PIK3R6: variants seen among roughly 807,000 people sequenced by gnomAD.
PIK3R6 encodes phosphoinositide 3-kinase regulatory subunit 6.
A neutral mutation model predicts 84.9 loss-of-function variants in PIK3R6; 91 were observed. That is an observed-to-expected ratio of 1.07 (90% confidence interval 0.90 to 1.28). PIK3R6 has a LOEUF of 1.28. PIK3R6 is among the 50% of genes most tolerant of loss of function. PIK3R6 has a pLI of 0.00. For synonymous variants in PIK3R6, 416 were observed against 411.4 expected (o/e 1.01, Z -0.13); for missense variants, 996 against 985.1 (o/e 1.01, Z -0.15).
rs964130448 is a variant in PIK3R6 at position 8,822,623 on chromosome 17, C to G, written c.1752G>C (p.Glu584Asp). The change falls in exon 16 of 20, where the codon GAG (glutamate) becomes GAC (aspartate). Residue 584 changes from glutamate to aspartate, a missense_variant. Physicochemically the swap from Glu to Asp is conservative, Grantham distance 45. Transcript: ENST00000619866. ...ATAGGGAGAGCTCTGCCCCTGGGCC[C>G]TCAGCCACGCCTCTCCTCCTGGGTG... Reference protein sequence around the residue: ...GFSPRRRGVAEGPGAELSLCY... With the variant: ...GFSPRRRGVADGPGAELSLCY... The G allele has an allele frequency of 2.5e-6, 4 of 1,613,898 alleles. No homozygotes were observed. The highest frequency in any genetic ancestry group is 3.4e-6 in the Non-Finnish European group (4 of 1,179,896).
chr17:8,827,763 GGAGAGAGA>G (rs199969342), intron 12 of PIK3R6, among the ~76,000 whole-genome samples: 702 of 34,820 alleles, frequency 0.02, 9 homozygotes, highest in East Asian at 0.059. Flanking sequence ...GAGAGAGAGA[GGAGAGAGA>G]GAGAGAGAGA....
chr17:8,849,427 C>A (rs2088889848), intron 2 of PIK3R6, among the ~76,000 whole-genome samples: 1 of 152,176 alleles, frequency 6.6e-6, no homozygotes, highest in Admixed American at 6.5e-5. Context: ...GGAGGTTAAC[C>A]AAGACTAAAT....
chr17:8,803,540 A>C lies in PIK3R6; in HGVS notation c.2109-111T>G, dbSNP rs2087106085. ...GGGCCTAGAGCTGTTATTGTAGGGC[A>C]TAGAGGAGGCGGCTACACAGAAGAA... is the stretch of plus-strand genomic sequence containing the variant. On this transcript the variant is annotated intron_variant, in intron 19 of 19. Transcript: ENST00000619866. This position sits in a 1 kb window ranked among gnomAD's most constrained non-coding sequence, Gnocchi z 5.0. 9.0e-7 allele frequency: 1 copy of C among 1,110,272 alleles called. No individual in the cohort carries two copies. The highest frequency in any genetic ancestry group is 1.6e-5 in the South Asian group (1 of 61,300). The allele number at this position is 1,110,272 out of a possible 1,614,324, so 68.8% of individuals were successfully genotyped here.
chr17:8,865,126 T>C (rs1180306540), intron 1 of PIK3R6, among the ~76,000 whole-genome samples: 6 of 152,112 alleles, frequency 3.9e-5, no homozygotes, highest in Non-Finnish European at 7.4e-5. Flanking sequence ...GGTGACCTCC[T>C]GGATAGAGGA....
Position 8,836,533 on chromosome 17 carries a change from C to T in PIK3R6, c.461+14G>A, listed in dbSNP as rs1468935237. The stretch of plus-strand genomic sequence containing the variant: ...TAGGAGGCTGAAGGTAGCAATTTTT[C>T]TGGGGCCACTCACCTCTCCTGGTAG... On this transcript the variant is annotated intron_variant, in intron 7 of 19. Coordinates refer to ENST00000619866, the MANE Select transcript of PIK3R6 (RefSeq NM_001010855.4). 6.2e-7 allele frequency: 1 copy of T among 1,613,890 alleles called. No homozygotes were observed. The highest frequency in any genetic ancestry group is 1.7e-5 in the Admixed American group (1 of 60,022).
chr17:8,861,729 AG>A (rs2089291885), intron 1 of PIK3R6, among the ~76,000 whole-genome samples: 1 of 152,184 alleles, frequency 6.6e-6, no homozygotes, highest in African/African-American at 2.4e-5. Context: ...AAGTTGCAAG[AG>A]AAGTGATGCT....
At chr17:8,812,325 T>C (rs143618263) in intron 18 of PIK3R6, among the ~76,000 whole-genome samples, 295 of 152,352 alleles carry the variant, frequency 1.9e-3, no homozygotes, top group African/African-American at 6.8e-3. Flanking sequence ...TAGTACTCCA[T>C]TGATGCACTA....
intron 18 of PIK3R6, among the ~76,000 whole-genome samples, chr17:8,805,086 G>A (rs2087163489): frequency 6.6e-6 from 1 of 152,144 alleles, no homozygotes; most frequent in Admixed American, 6.5e-5. Flanking sequence ...TGAACTTTTA[G>A]GGGATGGGGG....
intron 7 of PIK3R6, among the ~76,000 whole-genome samples, chr17:8,835,668 G>A (rs2088431661): frequency 1.3e-5 from 2 of 152,148 alleles, no homozygotes; most frequent in South Asian, 4.1e-4. Flanking sequence ...TTCTAGAGGG[G>A]CAGCTCTAAT....
At chr17:8,821,796 C>T (rs1401960344) in intron 17 of PIK3R6, 50 bp downstream of exon 17, 2 of 1,520,544 alleles carry the variant, frequency 1.3e-6, no homozygotes, top group Non-Finnish European at 1.8e-6. Flanking sequence ...CCCAGCATTG[C>T]CCTTCTCATC....
intron 1 of PIK3R6, among the ~76,000 whole-genome samples, chr17:8,861,224 G>A (rs1179433522): frequency 6.6e-6 from 1 of 151,836 alleles, no homozygotes; most frequent in Non-Finnish European, 1.5e-5. Context: ...AGACGTGTTG[G>A]CAATCCATGT....
At chr17:8,829,579 C>A in intron 10 of PIK3R6, 127 bp downstream of exon 10, 1 of 982,176 alleles carries the variant, frequency 1.0e-6, no homozygotes, top group East Asian at 2.8e-5. Flanking sequence ...CACACACAGA[C>A]ACACTGACAC....
At chr17:8,808,899 G>A (rs1038640595) in intron 18 of PIK3R6, among the ~76,000 whole-genome samples, 20 of 152,174 alleles carry the variant, frequency 1.3e-4, no homozygotes, top group African/African-American at 4.6e-4. Context: ...AGATTTTAGG[G>A]TATTTAAAGA....
chr17:8,845,840 G>A (rs1274924651), intron 2 of PIK3R6, among the ~76,000 whole-genome samples: 3 of 152,158 alleles, frequency 2.0e-5, no homozygotes, highest in Admixed American at 1.3e-4. Flanking sequence ...AGGAAGCTGA[G>A]GCACGAGAAT....
At chr17:8,864,601 A>T (rs1483022227) in intron 1 of PIK3R6, among the ~76,000 whole-genome samples, 2 of 133,558 alleles carry the variant, frequency 1.5e-5, no homozygotes, top group Non-Finnish European at 3.1e-5. Flanking sequence ...GCAGTGGCGC[A>T]ATCTCGTCTC....
intron 18 of PIK3R6, among the ~76,000 whole-genome samples, chr17:8,817,644 A>G (rs565620860): frequency 2.0e-3 from 296 of 151,352 alleles, no homozygotes; most frequent in African/African-American, 6.9e-3. Context: ...CCGTCTCGAA[A>G]AAAAACAAAA....
intron 18 of PIK3R6, among the ~76,000 whole-genome samples, chr17:8,817,748 G>C (rs940595161): frequency 3.3e-5 from 5 of 152,190 alleles, no homozygotes; most frequent in Non-Finnish European, 5.9e-5. Flanking sequence ...AGGTGACTTT[G>C]CCACAGCAGG....
chr17:8,818,892 G>A (rs1051892129), intron 18 of PIK3R6, among the ~76,000 whole-genome samples, 191 bp downstream of exon 18: 1 of 152,136 alleles, frequency 6.6e-6, no homozygotes, highest in Non-Finnish European at 1.5e-5. Flanking sequence ...TTATACCAGT[G>A]GGCACTCTGC....
At chr17:8,829,141 A>G (rs886355605) in intron 10 of PIK3R6, among the ~76,000 whole-genome samples, 151 bp from the exon 11 acceptor site, 2 of 152,180 alleles carry the variant, frequency 1.3e-5, no homozygotes, top group African/African-American at 2.4e-5. Flanking sequence ...AGACTCACAC[A>G]CAGAGACACA....
Sources: allele counts gnomAD v4.1 joint callset (sites outside exome capture counted in the v4.1 genomes callset), GRCh38; gene constraint gnomAD v4.1.1; non-coding constraint Gnocchi (gnomAD v3.1); transcripts MANE v1.5; gene names NCBI Gene and HGNC (gene_info 2026-07-23, HGNC 2026-07-21).